GAREM1: variants seen among roughly 807,000 people sequenced by gnomAD.
GAREM1 encodes GRB2-associated and regulator of MAPK protein 1.
Under a neutral mutation model 71.3 loss-of-function variants are expected in GAREM1, and 26 were observed. The ratio of observed to expected loss-of-function variants is 0.36; its 90% CI spans 0.27 to 0.51. The LOEUF is 0.51. Ranked by LOEUF, GAREM1 falls within the 20% of genes least tolerant of loss-of-function variation. The pLI, the probability that GAREM1 is intolerant of heterozygous loss-of-function variation, is 0.95. For missense variants in GAREM1, 1,026 were observed against 1,103.1 expected (o/e 0.93, Z 0.99); for synonymous variants, 440 against 433.2 (o/e 1.02, Z -0.20).
At chr18:32,429,061 T>C (rs992741722) in intron 1 of GAREM1, among the ~76,000 whole-genome samples, 3 of 152,140 alleles carry the variant, frequency 2.0e-5, no homozygotes, top group African/African-American at 7.2e-5. Flanking sequence ...AAATAAAGAC[T>C]TGCAATGACA....
intron 1 of GAREM1, among the ~76,000 whole-genome samples, chr18:32,437,545 G>C (rs555691492): frequency 1.2e-4 from 18 of 152,294 alleles, no homozygotes; most frequent in African/African-American, 3.8e-4. Flanking sequence ...ACTTTCTAGA[G>C]GGGTTAAAGG....
At chr18:32,381,866 G>A (rs984688233) in intron 2 of GAREM1, among the ~76,000 whole-genome samples, 6 of 152,174 alleles carry the variant, frequency 3.9e-5, no homozygotes, top group Admixed American at 6.5e-5. Flanking sequence ...CAGGAATGGT[G>A]CCTGGTACTT....
At chr18:32,284,527 C>A (rs768041474) in intron 4 of GAREM1, among the ~76,000 whole-genome samples, 1 of 152,192 alleles carries the variant, frequency 6.6e-6, no homozygotes, top group Non-Finnish European at 1.5e-5. Flanking sequence ...GACTTGGTTA[C>A]ATAAATGACC....
chr18:32,415,705 G>A (rs1006834380), intron 1 of GAREM1, among the ~76,000 whole-genome samples: 1 of 151,992 alleles, frequency 6.6e-6, no homozygotes, highest in Non-Finnish European at 1.5e-5. Context: ...AAAAAACTGG[G>A]TATAGAAGGA....
At chr18:32,452,763 C>T (rs2048851667) in intron 1 of GAREM1, among the ~76,000 whole-genome samples, 1 of 152,096 alleles carries the variant, frequency 6.6e-6, no homozygotes, top group East Asian at 1.9e-4. Flanking sequence ...ATACCATACT[C>T]CCACTTACCC....
In GAREM1 at chr18:32,324,124, C is replaced by T. The variant is rs551718286; in HGVS notation, c.263-13801G>A. Among the ~76,000 whole-genome samples, 170 of 152,258 alleles carry T rather than the reference C, an allele frequency of 1.1e-3. 1 individual carries two copies. Among genetic ancestry groups the T allele is most frequent in the African/African-American group, 3.8e-3 (156 of 41,546 alleles). Reference sequence around the variant, plus strand: ...ACAGACCCTAAAGCTACGCTGCCACCGTACAACTACAGGCAAAAGTGAAGG... The same window carrying T: ...ACAGACCCTAAAGCTACGCTGCCACTGTACAACTACAGGCAAAAGTGAAGG... On this transcript the variant is annotated intron_variant, in intron 2 of 5. Transcript: ENST00000269209.
chr18:32,319,719 A>G (rs1367285323), intron 2 of GAREM1, among the ~76,000 whole-genome samples: 3 of 152,212 alleles, frequency 2.0e-5, no homozygotes, highest in South Asian at 4.1e-4. Context: ...CAGCTGCTAT[A>G]TAGTCTCTTG....
At chr18:32,372,491 T>C (rs866308775) in intron 2 of GAREM1, among the ~76,000 whole-genome samples, 3 of 152,184 alleles carry the variant, frequency 2.0e-5, no homozygotes, top group South Asian at 4.2e-4. Flanking sequence ...TTAAACACAA[T>C]CTTATGAGTA....
intron 1 of GAREM1, among the ~76,000 whole-genome samples, chr18:32,429,298 A>AATTTTG (rs1221497311): frequency 6.6e-6 from 1 of 152,032 alleles, no homozygotes; most frequent in Non-Finnish European, 1.5e-5. Context: ...AATCATTTTA[A>AATTTTG]TAATTTTGGA....
At chr18:32,313,717 G>A (rs1309904424) in intron 2 of GAREM1, among the ~76,000 whole-genome samples, 1 of 152,078 alleles carries the variant, frequency 6.6e-6, no homozygotes, top group Non-Finnish European at 1.5e-5. Context: ...AAAGCAAAGA[G>A]TTTTTAGGGA....
At chr18:32,347,946 G>A (rs1317563897) in intron 2 of GAREM1, among the ~76,000 whole-genome samples, 1 of 152,174 alleles carries the variant, frequency 6.6e-6, no homozygotes, top group African/African-American at 2.4e-5. Context: ...AAATGGGAAT[G>A]AAACACTGGT....
intron 1 of GAREM1, among the ~76,000 whole-genome samples, chr18:32,437,183 C>T (rs1394040253): frequency 6.6e-6 from 1 of 152,162 alleles, no homozygotes; most frequent in Non-Finnish European, 1.5e-5. Context: ...TAGCACCAGA[C>T]AGAGCCAGGA....
At chr18:32,387,913 G>C (rs188937944) in intron 2 of GAREM1, among the ~76,000 whole-genome samples, 7 of 152,236 alleles carry the variant, frequency 4.6e-5, no homozygotes, top group Admixed American at 2.0e-4. Flanking sequence ...TGCATGAATG[G>C]AGCTGTGGCC....
At chr18:32,431,782 C>T (rs10775451) in intron 1 of GAREM1, among the ~76,000 whole-genome samples, 32,870 of 151,718 alleles carry the variant, frequency 0.22, 4,199 homozygotes, top group East Asian at 0.39. Flanking sequence ...CCGGTGAACA[C>T]GAGACAAAGG....
chr18:32,320,212 G>A (rs1387992241), intron 2 of GAREM1, among the ~76,000 whole-genome samples: 2 of 152,056 alleles, frequency 1.3e-5, no homozygotes, highest in Non-Finnish European at 2.9e-5. Flanking sequence ...GCATTCCATT[G>A]GGATTGTAAT....
intron 1 of GAREM1, among the ~76,000 whole-genome samples, chr18:32,464,270 G>A (rs1360808246): frequency 1.3e-5 from 2 of 151,606 alleles, no homozygotes; most frequent in African/African-American, 2.4e-5. Context: ...CAGCCTGGGC[G>A]ACACAAAAAG....
chr18:32,364,020 A>G (rs1414314655), intron 2 of GAREM1, among the ~76,000 whole-genome samples: 2 of 49,524 alleles, frequency 4.0e-5, no homozygotes, highest in Admixed American at 1.9e-4. Flanking sequence ...ATATATATAT[A>G]TATATATGTT....
At chr18:32,308,800 T>C (rs1020573692) in intron 3 of GAREM1, among the ~76,000 whole-genome samples, 1 of 150,452 alleles carries the variant, frequency 6.6e-6, no homozygotes, top group Non-Finnish European at 1.5e-5. Flanking sequence ...AAAATATCAC[T>C]CATCTTAATA....
At chr18:32,352,863 G>A (rs879780764) in intron 2 of GAREM1, among the ~76,000 whole-genome samples, 2 of 152,154 alleles carry the variant, frequency 1.3e-5, no homozygotes, top group Admixed American at 1.3e-4. Context: ...CCCAGCTGTG[G>A]CCATGGGACA....
Sources: allele counts gnomAD v4.1 joint callset (sites outside exome capture counted in the v4.1 genomes callset), GRCh38; gene constraint gnomAD v4.1.1; transcripts MANE v1.5; gene names NCBI Gene and HGNC (gene_info 2026-07-23, HGNC 2026-07-21).